Variants in RBFOX1 observed in about 807,000 individuals in gnomAD.
RBFOX1 encodes the protein RNA binding protein fox-1 homolog 1.
RBFOX1 carries 8 observed loss-of-function variants against 57.7 expected under a neutral mutation model. The observed-to-expected ratio is 0.14, with a 90% CI of 0.08 to 0.25. RBFOX1 has a LOEUF of 0.25. RBFOX1 is among the 10% of genes least tolerant of loss of function. The pLI, the probability that RBFOX1 is intolerant of heterozygous loss-of-function variation, is 1.00. For missense variants in RBFOX1, 611 were observed against 548.5 expected, an observed-to-expected ratio of 1.11 and a Z score of -1.14; for synonymous variants, 326 against 222.4, an observed-to-expected ratio of 1.47 and a Z score of -4.15.
intron 3 of RBFOX1, among the ~76,000 whole-genome samples, chr16:6,715,168 C>A (rs751347885): frequency 1.3e-5 from 2 of 152,118 alleles, no homozygotes; most frequent in South Asian, 2.1e-4. Context: ...CTTTAAGAAA[C>A]CCTCCTCACT....
chr16:6,067,882 A>G (rs2095787556), intron 1 of RBFOX1, among the ~76,000 whole-genome samples: 1 of 152,238 alleles, frequency 6.6e-6, no homozygotes. Flanking sequence ...GCATATGTGC[A>G]TTTGTTATTG....
Position 6,839,627 on chromosome 16 carries a change from A to G in RBFOX1, c.-16+184977A>G, listed in dbSNP as rs149001593. Among the ~76,000 whole-genome samples, 164 of 152,334 alleles carry G rather than the reference A, an allele frequency of 1.1e-3. No homozygotes were observed. In the East Asian group the frequency reaches 0.014, roughly 13 times the overall value. On this transcript the variant is annotated intron_variant, in intron 3 of 15. Transcript: ENST00000550418. ...TTCGGGGACCTTGGTAGGTATTTCA[A>G]TTAGCTGTGAGACACACAGCCTGTG...
intron 1 of RBFOX1, among the ~76,000 whole-genome samples, chr16:5,425,290 G>C (rs2067524251): frequency 1.3e-5 from 2 of 152,114 alleles, no homozygotes; most frequent in Admixed American, 1.3e-4. Context: ...ATTTTTAGTA[G>C]AGATGTGGCT....
intron 1 of RBFOX1, among the ~76,000 whole-genome samples, chr16:5,403,243 G>A (rs1466932601): frequency 3.3e-5 from 5 of 151,792 alleles, no homozygotes; most frequent in Non-Finnish European, 5.9e-5. Flanking sequence ...CCAGCTATTT[G>A]GGAGGCTGAG....
intron 3 of RBFOX1, among the ~76,000 whole-genome samples, chr16:6,865,236 C>T (rs555761053): frequency 2.6e-5 from 4 of 152,066 alleles, no homozygotes; most frequent in Admixed American, 2.6e-4. Flanking sequence ...CTCCTGACCT[C>T]AGGTGATCCA....
rs939268380 is a variant in RBFOX1, at chr16:6,442,340, G to A, written c.-64+125283G>A. Among the ~76,000 whole-genome samples, 14 of 152,226 alleles carry A rather than the reference G, an allele frequency of 9.2e-5. No homozygotes were observed. In the South Asian group the frequency reaches 2.1e-3, roughly 23 times the overall value. ...TGGGAGGCCAAGGTGGGTGGATCACGAGGTCAAGAGATTGAGACCATCCAG... is the reference window on the plus strand; with the variant it reads ...TGGGAGGCCAAGGTGGGTGGATCACAAGGTCAAGAGATTGAGACCATCCAG... On this transcript the variant is annotated intron_variant, in intron 2 of 15. Coordinates refer to ENST00000550418, the MANE Select transcript of RBFOX1 (RefSeq NM_018723.4).
Position 6,046,818 on chromosome 16 carries a change from G to A in RBFOX1, c.-127+26826G>A, listed in dbSNP as rs149754493. Reference sequence around the variant, plus strand: ...AGTCAGTGTGATTTGAAATGAAGTCGGCTTTATCTAGATGTCTCTCCCAGA... The same window carrying A: ...AGTCAGTGTGATTTGAAATGAAGTCAGCTTTATCTAGATGTCTCTCCCAGA... On this transcript the variant is annotated intron_variant, in intron 1 of 15. Transcript: ENST00000550418. Among the ~76,000 whole-genome samples the A allele has an allele frequency of 9.9e-5, 15 of 152,236 alleles. No homozygotes were observed. The East Asian group carries it at 2.3e-3, about 23-fold the overall frequency.
intron 4 of RBFOX1, among the ~76,000 whole-genome samples, chr16:7,290,415 T>A (rs980885426): frequency 6.6e-6 from 1 of 152,202 alleles, no homozygotes; most frequent in Non-Finnish European, 1.5e-5. Flanking sequence ...CCTTAAAATA[T>A]CTCATTAATC....
chr16:7,465,463 C>T (rs117634879), intron 4 of RBFOX1, among the ~76,000 whole-genome samples: 1 of 152,254 alleles, frequency 6.6e-6, no homozygotes, highest in Non-Finnish European at 1.5e-5. Flanking sequence ...GCACCGTCAT[C>T]TCTACTTTCC....
chr16:7,044,338 A>C (rs1389206769), intron 3 of RBFOX1, among the ~76,000 whole-genome samples: 1 of 152,330 alleles, frequency 6.6e-6, no homozygotes, highest in African/African-American at 2.4e-5. Flanking sequence ...GGAGAGAAAA[A>C]TCAGACTGAA....
intron 4 of RBFOX1, among the ~76,000 whole-genome samples, chr16:7,094,767 T>G (rs1262580280): frequency 1.1e-4 from 16 of 141,014 alleles, no homozygotes; most frequent in Non-Finnish European, 1.8e-4. Flanking sequence ...TGTGTGTGTG[T>G]GTGTGTGTGG....
At chr16:7,404,474 T>G (rs991211268) in intron 4 of RBFOX1, among the ~76,000 whole-genome samples, 2 of 152,190 alleles carry the variant, frequency 1.3e-5, no homozygotes, top group African/African-American at 4.8e-5. Context: ...TGTTAACATT[T>G]TCTGGCAGGC....
At chr16:5,983,681 T>C (rs574786703) in intron 4 of RBFOX1, among the ~76,000 whole-genome samples, 1 of 152,240 alleles carries the variant, frequency 6.6e-6, no homozygotes, top group South Asian at 2.1e-4. Context: ...CCATCCTGCT[T>C]GGGGCTTCCC....
intron 3 of RBFOX1, among the ~76,000 whole-genome samples, chr16:5,709,333 G>A (rs1006948213): frequency 6.6e-6 from 1 of 152,158 alleles, no homozygotes; most frequent in Non-Finnish European, 1.5e-5. Context: ...GTAAGGAATG[G>A]TTCTTCTGTT....
chr16:7,205,260 G>C (rs1366952636), intron 4 of RBFOX1, among the ~76,000 whole-genome samples: 1 of 152,094 alleles, frequency 6.6e-6, no homozygotes, highest in Non-Finnish European at 1.5e-5. Flanking sequence ...GCTCACACCT[G>C]TAATCCCAGT....
At chr16:7,052,910 A>C (rs1465419468) in intron 4 of RBFOX1, among the ~76,000 whole-genome samples, 2 of 152,214 alleles carry the variant, frequency 1.3e-5, no homozygotes, top group Non-Finnish European at 2.9e-5. Context: ...TTTTTACTGG[A>C]CAATGTGCCT....
chr16:7,697,173 T>A (rs567335621), intron 14 of RBFOX1, among the ~76,000 whole-genome samples: 23 of 152,258 alleles, frequency 1.5e-4, no homozygotes, highest in African/African-American at 5.5e-4. Context: ...GGGGGGGCCC[T>A]TACAGCTGTC....
intron 1 of RBFOX1, among the ~76,000 whole-genome samples, chr16:6,071,968 C>T (rs1313151410): frequency 6.6e-6 from 1 of 152,176 alleles, no homozygotes; most frequent in Non-Finnish European, 1.5e-5. Flanking sequence ...ACATTTTCTT[C>T]ATTCATTTGT....
chr16:6,417,236 T>G (rs1466154129), intron 2 of RBFOX1, among the ~76,000 whole-genome samples: 2 of 151,890 alleles, frequency 1.3e-5, no homozygotes, highest in Admixed American at 6.6e-5. Context: ...GGTCTCGAAC[T>G]CCTAACCTCA....
Sources: gnomAD v4.1 joint callset for allele counts (sites outside exome capture counted in the v4.1 genomes callset) on GRCh38, gnomAD v4.1.1 for gene constraint, MANE v1.5 for transcripts, NCBI Gene and HGNC (gene_info 2026-07-23, HGNC 2026-07-21) for gene names.